Variants in FBN3 observed in about 807,000 individuals in gnomAD.
The protein encoded by FBN3 is fibrillin 3, also known as fibrillin-3.
Under a neutral mutation model 330.1 loss-of-function variants are expected in FBN3, and 234 were observed. The observed-to-expected ratio is 0.71, with a 90% CI of 0.64 to 0.79. The LOEUF is 0.79. FBN3 is among the 30% of genes least tolerant of loss of function. The pLI, the probability that FBN3 is intolerant of heterozygous loss-of-function variation, is 0.00. For missense variants in FBN3, 3,606 were observed against 3,886.9 expected (o/e 0.93, Z 1.92); for synonymous variants, 1,458 against 1,517.3 (o/e 0.96, Z 0.91).
intron 26 of FBN3, among the ~76,000 whole-genome samples, chr19:8,118,065 C>A (rs1180299464): frequency 6.6e-6 from 1 of 150,404 alleles, no homozygotes. Context: ...ACACACACAC[C>A]CATGTGCACA....
Position 8,109,285 on chromosome 19 carries a change from A to G in FBN3, c.4560T>C (p.Cys1520=). Residue 1520 remains cysteine, a synonymous_variant, in exon 36 of 64, where the codon TGT becomes TGC. Transcript: ENST00000600128. The surrounding 1 kb of genome is among the most constrained non-coding windows in gnomAD (Gnocchi z 5.2). ...TGCCCCAAGCCCGGCCCAGGGAGCA[A>G]CAGCAGGAAGCTCGGGTGACACCAA... ...IGVGVTRASC[C]CSLGRAWGNP... 6.2e-7 allele frequency: 1 copy of G among 1,614,168 alleles called. No individual in the cohort carries two copies. The highest frequency in any genetic ancestry group is 8.5e-7 in the Non-Finnish European group (1 of 1,180,010).
chr19:8,135,936 G>GGGGGGGGGGGGGCGCCCCCCCCC, intron 13 of FBN3, 25 bp downstream of exon 13: 1 of 668,774 alleles, frequency 1.5e-6, no homozygotes, highest in Admixed American at 2.9e-5. Context: ...GGAAGCCCCT[G>GGGGGGGGGGGGGCGCCCCCCCCC]CCCACCCGCC....
intron 6 of FBN3, among the ~76,000 whole-genome samples, chr19:8,143,760 T>A (rs1441616733): frequency 2.3e-5 from 3 of 132,350 alleles, no homozygotes; most frequent in African/African-American, 9.3e-5. Context: ...CCCAAAATGC[T>A]AGAATTGCAG....
chr19:8,117,329 G>A (rs1305039079), intron 27 of FBN3, 38 bp from the exon 28 acceptor site: 3 of 1,556,936 alleles, frequency 1.9e-6, no homozygotes, highest in Admixed American at 1.9e-5. Context: ...GGGGCTGGGG[G>A]GAGGGGTCCA....
At chr19:8,105,736 A>G (rs920652745) in intron 38 of FBN3, among the ~76,000 whole-genome samples, 4 of 152,220 alleles carry the variant, frequency 2.6e-5, no homozygotes, top group Non-Finnish European at 5.9e-5. Flanking sequence ...CCAGGGCTCC[A>G]TTCCTCCACA....
Position 8,129,380 on chromosome 19 carries a change from G to A in FBN3, c.2045-15C>T. 2 of 1,613,228 alleles carry A rather than the reference G, an allele frequency of 1.2e-6. No homozygotes were observed. The highest frequency in any genetic ancestry group is 1.7e-6 in the Non-Finnish European group (2 of 1,179,580). ...CTCGTTGATGTCTGCGGCAGGAGGA[G>A]GGTGTGTCAGCAGCAGCAGAAGGAG... On this transcript the variant is annotated splice_polypyrimidine_tract_variant and intron_variant, in intron 16 of 63. Coordinates refer to ENST00000600128, the MANE Select transcript of FBN3 (RefSeq NM_032447.5). This position sits in a 1 kb window ranked among gnomAD's most constrained non-coding sequence, Gnocchi z 4.5.
Position 8,114,758 on chromosome 19 carries a change from T to C in FBN3, c.3838+757A>G, listed in dbSNP as rs1018377305. Among the ~76,000 whole-genome samples, 3 of 151,790 alleles carry C rather than the reference T, an allele frequency of 2.0e-5. No homozygotes were observed. The East Asian group carries it at 5.8e-4, about 30-fold the overall frequency. On this transcript the variant is annotated intron_variant, in intron 30 of 63. Coordinates refer to ENST00000600128, the MANE Select transcript of FBN3 (RefSeq NM_032447.5). ...CATTTTACTTATTTTCTTTTTTTTT[T>C]TGAGACGGAGTCTGGCTCTGTCACC... is the stretch of plus-strand genomic sequence containing the variant.
chr19:8,067,130 T>TA (rs2081411165), intron 63 of FBN3, among the ~76,000 whole-genome samples: 1 of 133,882 alleles, frequency 7.5e-6, no homozygotes, highest in Admixed American at 7.5e-5. Context: ...CTTCTTTTTC[T>TA]TTTTTTTTTT....
chr19:8,076,706 TA>T (rs2081650530), intron 59 of FBN3, among the ~76,000 whole-genome samples: 2 of 152,210 alleles, frequency 1.3e-5, no homozygotes, highest in South Asian at 4.1e-4. Flanking sequence ...TGCATAATTT[TA>T]AATGGCCACC....
At chr19:8,081,594 A>T in intron 57 of FBN3, 114 bp from the exon 58 acceptor site, 2 of 1,212,252 alleles carry the variant, frequency 1.6e-6, no homozygotes, top group Non-Finnish European at 2.3e-6. Flanking sequence ...GGACTTACAC[A>T]GGAATGAACA....
intron 40 of FBN3, among the ~76,000 whole-genome samples, chr19:8,101,988 G>A (rs954138570): frequency 3.3e-5 from 5 of 152,170 alleles, no homozygotes; most frequent in Non-Finnish European, 5.9e-5. Flanking sequence ...GGGACCCGGT[G>A]GGAGGTAACT....
At chr19:8,091,886 A>T (rs928287603) in intron 47 of FBN3, among the ~76,000 whole-genome samples, 2 of 152,244 alleles carry the variant, frequency 1.3e-5, no homozygotes, top group Non-Finnish European at 2.9e-5. Context: ...GATTCCTTAA[A>T]GAACTAAAAG....
At chr19:8,106,372 G>A in intron 37 of FBN3, 139 bp from the exon 38 acceptor site, 1 of 736,668 alleles carries the variant, frequency 1.4e-6, no homozygotes, top group Non-Finnish European at 2.2e-6. Flanking sequence ...ACATTTAAAG[G>A]GTCTATCTTG....
intron 57 of FBN3, among the ~76,000 whole-genome samples, chr19:8,082,337 CTCTT>C (rs1055797702): frequency 1.1e-4 from 16 of 143,434 alleles, no homozygotes; most frequent in Middle Eastern, 3.2e-3. Context: ...CTGTTTCTTT[CTCTT>C]TCTTTTTGTC....
At chr19:8,090,841 G>A (rs1438403472) in intron 48 of FBN3, among the ~76,000 whole-genome samples, 2 of 152,114 alleles carry the variant, frequency 1.3e-5, no homozygotes, top group Admixed American at 1.3e-4. Context: ...GCTTTGGGGT[G>A]TTCTCATGCC....
chr19:8,101,018 C>A, intron 40 of FBN3, 46 bp from the exon 41 acceptor site: 1 of 1,514,260 alleles, frequency 6.6e-7, no homozygotes. Context: ...CAGGCCTGAC[C>A]CCAGCCCGCT....
At chr19:8,114,303 G>A (rs560117603) in intron 30 of FBN3, among the ~76,000 whole-genome samples, 43 of 152,272 alleles carry the variant, frequency 2.8e-4, no homozygotes, top group African/African-American at 9.6e-4. Flanking sequence ...AAGCTGGAGT[G>A]CAGTGGTGTG....
chr19:8,117,964 A>G (rs1226263000), intron 26 of FBN3, among the ~76,000 whole-genome samples: 1 of 151,510 alleles, frequency 6.6e-6, no homozygotes, highest in Admixed American at 6.6e-5. Context: ...AAATACACTC[A>G]CCCATGTGTA....
At position 8,110,971 on chromosome 19, in the gene FBN3, C is replaced by T. The variant is rs779608734; in HGVS notation, c.4211-4G>A. 8.7e-6 allele frequency: 14 copies of T among 1,614,072 alleles called. No homozygotes were observed. The highest frequency in any genetic ancestry group is 4.0e-5 in the African/African-American group (3 of 74,924). ...CCTTGCGCACACTCGTCCACATCTGCGGGGACCCTGGGTCAGCCTGCCCCA... is the reference window on the plus strand; with the variant it reads ...CCTTGCGCACACTCGTCCACATCTGTGGGGACCCTGGGTCAGCCTGCCCCA... On this transcript the variant is annotated splice_region_variant and splice_polypyrimidine_tract_variant and intron_variant, in intron 33 of 63. Coordinates refer to ENST00000600128, the MANE Select transcript of FBN3 (RefSeq NM_032447.5).
Sources: allele counts gnomAD v4.1 joint callset (sites outside exome capture counted in the v4.1 genomes callset), GRCh38; gene constraint gnomAD v4.1.1; non-coding constraint Gnocchi (gnomAD v3.1); transcripts MANE v1.5; gene names NCBI Gene and HGNC (gene_info 2026-07-23, HGNC 2026-07-21).